Variants in TGS1 observed in about 807,000 individuals in gnomAD.
TGS1 encodes the protein trimethylguanosine synthase.
A neutral mutation model predicts 92.2 loss-of-function variants in TGS1; 69 were observed. That is an observed-to-expected ratio of 0.75 (90% CI 0.62 to 0.91). The LOEUF (loss-of-function observed/expected upper bound fraction) is 0.91. Ranked by LOEUF, TGS1 falls within the 40% of genes least tolerant of loss-of-function variation. The pLI is 0.00. For synonymous variants in TGS1, 345 were observed against 338.1 expected (o/e 1.02, Z -0.22); for missense variants, 1,062 against 1,001.2 (o/e 1.06, Z -0.82).
intron 9 of TGS1, among the ~76,000 whole-genome samples, chr8:55,804,666 G>T (rs962160275): frequency 4.6e-5 from 7 of 152,310 alleles, no homozygotes; most frequent in African/African-American, 7.2e-5. Context: ...TATTACAAAA[G>T]AATTAGGTTA....
At chr8:55,799,355 G>A in intron 8 of TGS1, 135 bp downstream of exon 8, 1 of 839,904 alleles carries the variant, frequency 1.2e-6, no homozygotes. Flanking sequence ...GTGAGAGAAG[G>A]CATATTAAGT....
Position 55,826,071 on chromosome 8 carries a change from C to T in TGS1, c.*1368C>T, listed in dbSNP as rs1803786506. On this transcript the variant is annotated 3_prime_UTR_variant, in exon 13 of 13. Transcript: ENST00000260129. ...TTCACCGTGTTAGCCAGGATGGTCTCGATCTCCTGACCTTGTGATCCAACC... is the reference window on the plus strand; with the variant it reads ...TTCACCGTGTTAGCCAGGATGGTCTTGATCTCCTGACCTTGTGATCCAACC... Among the ~76,000 whole-genome samples, 1 of 151,796 alleles carries T rather than the reference C, an allele frequency of 6.6e-6. No individual in the cohort carries two copies.
intron 12 of TGS1, among the ~76,000 whole-genome samples, chr8:55,815,374 T>A (rs1407370208): frequency 6.6e-6 from 1 of 152,204 alleles, no homozygotes; most frequent in Non-Finnish European, 1.5e-5. Context: ...AAATCAACTT[T>A]TTTTTAATGA....
At chr8:55,818,837 T>A (rs1803554563) in intron 12 of TGS1, among the ~76,000 whole-genome samples, 1 of 152,262 alleles carries the variant, frequency 6.6e-6, no homozygotes, top group Non-Finnish European at 1.5e-5. Context: ...TGATAGCCTG[T>A]GCTTTCTGTA....
At chr8:55,795,643 A>T (rs1429426760) in intron 6 of TGS1, among the ~76,000 whole-genome samples, 1 of 152,190 alleles carries the variant, frequency 6.6e-6, no homozygotes, top group Non-Finnish European at 1.5e-5. Context: ...TTATATATTT[A>T]TATTTCCCTA....
rs1419366115 is a variant in TGS1 at position 55,799,026 on chromosome 8, A to G, written c.1655A>G (p.Gln552Arg). ...TCCACAAGTAGTGATTCAGAGGAAC[A>G]AGACATGTCTGTTAAAAAAGGTGAT... ...DASTSSDSEE[Q>R]DMSVKKGDDL... The change falls in exon 8 of 13, where the codon CAA becomes CGA. Residue 552 changes from glutamine (Q) to arginine (R), a missense_variant. Transcript: ENST00000260129. The G allele has an allele frequency of 6.2e-7, 1 of 1,614,216 alleles. No individual in the cohort carries two copies. Among genetic ancestry groups the G allele is most frequent in the Non-Finnish European group, 8.5e-7 (1 of 1,180,020 alleles).
At chr8:55,819,214 G>T (rs960968532) in intron 12 of TGS1, among the ~76,000 whole-genome samples, 1 of 151,902 alleles carries the variant, frequency 6.6e-6, no homozygotes, top group Non-Finnish European at 1.5e-5. Context: ...GGGATTACGG[G>T]CATGAGCCAC....
intron 2 of TGS1, among the ~76,000 whole-genome samples, chr8:55,785,071 T>G (rs918273307): frequency 6.6e-6 from 1 of 150,558 alleles, no homozygotes; most frequent in African/African-American, 2.5e-5. Flanking sequence ...TTTTGTTTTT[T>G]GTTTTTTTTT....
chr8:55,825,604 A>G lies in TGS1; in HGVS notation c.*901A>G, dbSNP rs747163528. On this transcript the variant is annotated 3_prime_UTR_variant, in exon 13 of 13. Coordinates refer to ENST00000260129, the MANE Select transcript of TGS1 (RefSeq NM_024831.8). The stretch of plus-strand genomic sequence containing the variant: ...GAGCGTGTTAAACATTAAACAGAAC[A>G]TGATACTGGCTGGGATAAGATTAGA... 1.3e-5 allele frequency among the ~76,000 whole-genome samples: 2 copies of G among 152,208 alleles called. No homozygotes were observed. The highest frequency in any genetic ancestry group is 2.9e-5 in the Non-Finnish European group (2 of 68,036).
chr8:55,804,729 A>G (rs1812315450), intron 9 of TGS1, among the ~76,000 whole-genome samples, 164 bp from the exon 10 acceptor site: 1 of 152,198 alleles, frequency 6.6e-6, no homozygotes, highest in Admixed American at 6.5e-5. Context: ...GCTTTTTATA[A>G]CAAGCTTTGA....
At chr8:55,784,392 C>G (rs1172651279) in intron 2 of TGS1, among the ~76,000 whole-genome samples, 2 of 152,140 alleles carry the variant, frequency 1.3e-5, no homozygotes, top group Non-Finnish European at 2.9e-5. Flanking sequence ...GGGTCTTGCT[C>G]TGTTGTCTGA....
At chr8:55,782,701 T>C in intron 1 of TGS1, 47 bp from the exon 2 acceptor site, 1 of 1,447,900 alleles carries the variant, frequency 6.9e-7, no homozygotes, top group South Asian at 1.3e-5. Flanking sequence ...CCCTCTAAAC[T>C]GATGGCTTAA....
intron 6 of TGS1, among the ~76,000 whole-genome samples, chr8:55,794,916 G>T (rs1343838503): frequency 6.6e-6 from 1 of 152,160 alleles, no homozygotes; most frequent in East Asian, 1.9e-4. Flanking sequence ...TATGAAATCA[G>T]CAAGAAAGGG....
chr8:55,781,660 C>T (rs553524395), intron 1 of TGS1, among the ~76,000 whole-genome samples: 2 of 152,208 alleles, frequency 1.3e-5, no homozygotes, highest in African/African-American at 2.4e-5. Flanking sequence ...CACATTTGCA[C>T]GTCACCCCCT....
At chr8:55,778,342 CT>C (rs1811458995) in intron 1 of TGS1, among the ~76,000 whole-genome samples, 1 of 152,164 alleles carries the variant, frequency 6.6e-6, no homozygotes, top group African/African-American at 2.4e-5. Flanking sequence ...ACATGAGAGC[CT>C]TTCTACTATG....
Position 55,773,491 on chromosome 8 carries a change from C to T in TGS1, c.-128C>T. ...GGCTAGTTCCCGGCGCGAGCGGCCG[C>T]GGGCCAGTTTCTATCTCCTCATCCA... On this transcript the variant is annotated 5_prime_UTR_variant, in exon 1 of 13. Coordinates refer to ENST00000260129, the MANE Select transcript of TGS1 (RefSeq NM_024831.8). 5 of 629,322 alleles carry T rather than the reference C, an allele frequency of 7.9e-6. No homozygotes were observed. Among genetic ancestry groups the T allele is most frequent in the Middle Eastern group, 4.4e-4 (1 of 2,258 alleles). The allele number at this position is 629,322 out of a possible 1,614,324, so 39.0% of individuals were successfully genotyped here.
At chr8:55,785,523 C>T (rs537686486) in intron 2 of TGS1, among the ~76,000 whole-genome samples, 196 bp from the exon 3 acceptor site, 12 of 152,192 alleles carry the variant, frequency 7.9e-5, no homozygotes, top group African/African-American at 2.9e-4. Flanking sequence ...ATTATGATCA[C>T]ACCTGCAGAT....
At chr8:55,779,412 G>T (rs1811492990) in intron 1 of TGS1, among the ~76,000 whole-genome samples, 1 of 152,188 alleles carries the variant, frequency 6.6e-6, no homozygotes, top group Non-Finnish European at 1.5e-5. Context: ...CACCCATGAG[G>T]AAAGGCCTTT....
intron 10 of TGS1, among the ~76,000 whole-genome samples, chr8:55,805,293 A>G (rs1332380436): frequency 6.6e-6 from 1 of 152,170 alleles, no homozygotes; most frequent in Non-Finnish European, 1.5e-5. Flanking sequence ...TTTTCAGTAA[A>G]TATATTGGAA....
Sources: gnomAD v4.1 joint callset for allele counts (sites outside exome capture counted in the v4.1 genomes callset) on GRCh38, gnomAD v4.1.1 for gene constraint, MANE v1.5 for transcripts, NCBI Gene and HGNC (gene_info 2026-07-23, HGNC 2026-07-21) for gene names.